TTLL10: variants seen among roughly 807,000 people sequenced by gnomAD.
TTLL10 encodes tubulin tyrosine ligase like 10, also known as inactive polyglycylase TTLL10.
In TTLL10, 61 loss-of-function variants were observed where a neutral mutation model predicts 69.0. The ratio of observed to expected loss-of-function variants is 0.88; its 90% CI spans 0.72 to 1.09. The LOEUF (loss-of-function observed/expected upper bound fraction) is 1.09. TTLL10 is among the 50% of genes least tolerant of loss of function. TTLL10 has a pLI of 0.00. For synonymous variants in TTLL10, 408 were observed against 393.3 expected, an observed-to-expected ratio of 1.04 and a Z score of -0.44; for missense variants, 962 against 945.9, an observed-to-expected ratio of 1.02 and a Z score of -0.22.
intron 3 of TTLL10, chr1:1,176,521 CCTCCACACCTTTTCCCA>C: frequency 2.6e-6 from 1 of 391,780 alleles, no homozygotes; most frequent in Non-Finnish European, 5.2e-6. Flanking sequence ...CCTTTTCCCA[CCTCCACACCTTTTCCCA>C]CCTCCACACC....
chr1:1,196,556 G>A lies in TTLL10; in HGVS notation c.1402-44G>A, dbSNP rs898139780. 2.1e-6 allele frequency: 3 copies of A among 1,452,602 alleles called. No individual in the cohort carries two copies. In the African/African-American group the frequency reaches 4.2e-5, roughly 20 times the overall value. 90.0% of individuals were successfully genotyped at this position (1,452,602 alleles called of 1,614,324 possible). On this transcript the variant is annotated intron_variant, in intron 13 of 15. Transcript: ENST00000379289. ...GCTGTTCAGACCTGGGGTGTGATCA[G>A]GGCCTACGGGCCGCAGCCAGGATGC... is the stretch of plus-strand genomic sequence containing the variant.
At chr1:1,183,312 G>C (rs940346400) in intron 11 of TTLL10, among the ~76,000 whole-genome samples, 3 of 152,146 alleles carry the variant, frequency 2.0e-5, no homozygotes, top group African/African-American at 7.2e-5. Context: ...AGGTGGCCTG[G>C]CCTGGGTGGC....
In TTLL10 at chr1:1,180,850, G is replaced by A. The variant is rs757892692; in HGVS notation, c.745G>A (p.Val249Ile). The change falls in exon 8 of 16, where the codon GTC becomes ATC. Residue 249 changes from valine (V) to isoleucine (I), a missense_variant. Val to Ile is a conservative substitution (Grantham distance 29). Coordinates refer to ENST00000379289, the MANE Select transcript of TTLL10 (RefSeq NM_001130045.2). Reference sequence around the variant, plus strand: ...CAAGGCCAGCAAGGTGCCGGGGGGGGTCCAGGCCAGGTGAGTCTGCCCCTG... The same window carrying A: ...CAAGGCCAGCAAGGTGCCGGGGGGGATCCAGGCCAGGTGAGTCTGCCCCTG... ...MSKASKVPGG[V>I]QARLEKDAAA... 7 of 1,571,696 alleles carry A rather than the reference G, an allele frequency of 4.5e-6. No individual in the cohort carries two copies. In the South Asian group the frequency reaches 4.7e-5, roughly 10 times the overall value.
rs2274791 is a variant in TTLL10, at chr1:1,197,558, G to A, written c.1733G>A (p.Gly578Asp). 202,452 of 1,517,294 alleles carry A rather than the reference G, an allele frequency of 0.13. 21,221 individuals are homozygous for A. The highest frequency in any genetic ancestry group is 0.58 in the East Asian group (23,474 of 40,480). 94.0% of individuals were successfully genotyped at this position (1,517,294 alleles called of 1,614,324 possible). ...GCCGACCCGCGGCCGCACCTGGGGG[G>A]CTCGTGCAGCCTCCGCCGCTGGCCG... ...GEADPRPHLG[G>D]SCSLRRWPPL... The change falls in exon 16 of 16, where the codon GGC becomes GAC. Residue 578 changes from glycine (G) to aspartate (D), a missense_variant. Physicochemically the swap from Gly to Asp is moderately conservative, Grantham distance 94. Transcript: ENST00000379289.
chr1:1,184,449 G>C (rs1355723605), intron 12 of TTLL10, among the ~76,000 whole-genome samples: 1 of 152,240 alleles, frequency 6.6e-6, no homozygotes, highest in African/African-American at 2.4e-5. Context: ...TGTCAGAGGA[G>C]GGGCCCTGTG....
At chr1:1,175,900 G>A in intron 3 of TTLL10, 1 of 441,464 alleles carries the variant, frequency 2.3e-6, no homozygotes, top group South Asian at 1.6e-5. Flanking sequence ...CGCTGTGCCG[G>A]TGGAGAGGCT....
chr1:1,197,752 G>A lies in TTLL10; in HGVS notation c.1927G>A (p.Glu643Lys). The change falls in exon 16 of 16, where the codon GAG (glutamate) becomes AAG (lysine). Residue 643 changes from glutamate to lysine, a missense_variant. Transcript: ENST00000379289. ...HDGEPQAPGT[E>K]QSGTGNRHPA... ...TGGGGAGCCCCAGGCCCCGGGCACG[G>A]AGCAGTCGGGCACAGGCAACAGGCA... The A allele has an allele frequency of 6.5e-7, 1 of 1,535,692 alleles. No individual in the cohort carries two copies. Among genetic ancestry groups the A allele is most frequent in the South Asian group, 1.2e-5 (1 of 83,246 alleles).
intron 5 of TTLL10, 76 bp from the exon 6 acceptor site, chr1:1,179,958 C>T (rs1646993533): frequency 1.1e-5 from 16 of 1,447,184 alleles, no homozygotes; most frequent in Non-Finnish European, 1.5e-5. Flanking sequence ...GGGCTGGGAG[C>T]AAACTGGCTG....
At chr1:1,193,402 CT>C (rs1422603553) in intron 13 of TTLL10, among the ~76,000 whole-genome samples, 10 of 144,908 alleles carry the variant, frequency 6.9e-5, no homozygotes, top group South Asian at 2.2e-4. Flanking sequence ...CTATGTCTGT[CT>C]TTTTTTGTTC....
chr1:1,185,695 C>G lies in TTLL10; in HGVS notation c.1401+586C>G. 3.0e-6 allele frequency: 3 copies of G among 985,542 alleles called. No homozygotes were observed. The highest frequency in any genetic ancestry group is 2.4e-6 in the Non-Finnish European group (2 of 830,004). 61.0% of individuals were successfully genotyped at this position (985,542 alleles called of 1,614,324 possible). ...GGACTTTTATCTGTCTTGGTCACCC[C>G]GGCCAGGCCCCGGAAGCAGCAGCCA... is the stretch of plus-strand genomic sequence containing the variant. On this transcript the variant is annotated intron_variant, in intron 13 of 15. Coordinates refer to ENST00000379289, the MANE Select transcript of TTLL10 (RefSeq NM_001130045.2). The surrounding 1 kb of genome is among the most constrained non-coding windows in gnomAD (Gnocchi z 6.1).
chr1:1,180,281 G>A lies in TTLL10; in HGVS notation c.447G>A (p.Ser149=), dbSNP rs368517224. 148 of 1,595,508 alleles carry A rather than the reference G, an allele frequency of 9.3e-5. No individual in the cohort carries two copies. The highest frequency in any genetic ancestry group is 1.7e-4 in the Middle Eastern group (1 of 5,938). ...EGLLLGGGKP[S]PHSTRPGPFF... ...TCCTGCTGGGGGGTGGGAAGCCATC[G>A]CCCCACAGCACCCGGCCGGGGCCCT... Residue 149 remains serine, a synonymous_variant, in exon 6 of 16, where the codon TCG becomes TCA. Coordinates refer to ENST00000379289, the MANE Select transcript of TTLL10 (RefSeq NM_001130045.2).
rs762944108 is a variant in TTLL10, at chr1:1,180,822, G to A, written c.717G>A (p.Met239Ile). Reference sequence around the variant, plus strand: ...CCCTTCGGGGACGGGCACGGGCCATGAGCAAGGCCAGCAAGGTGCCGGGGG... The same window carrying A: ...CCCTTCGGGGACGGGCACGGGCCATAAGCAAGGCCAGCAAGGTGCCGGGGG... ...LSTLRGRARA[M>I]SKASKVPGGV... The change falls in exon 8 of 16, where the codon ATG becomes ATA. Residue 239 changes from methionine (M) to isoleucine (I), a missense_variant. Transcript: ENST00000379289. 4 of 1,598,646 alleles carry A rather than the reference G, an allele frequency of 2.5e-6. No individual in the cohort carries two copies. The highest frequency in any genetic ancestry group is 2.7e-5 in the African/African-American group (2 of 74,188).
At position 1,191,724 on chromosome 1, in the gene TTLL10, G is replaced by A. The variant is rs148216262; in HGVS notation, c.1402-4876G>A. On this transcript the variant is annotated intron_variant, in intron 13 of 15. Transcript: ENST00000379289. ...CACAACCTTCAGAGCTGACAGCCCT[G>A]AACAGAGATTTACCCACATATTTAG... is the stretch of plus-strand genomic sequence containing the variant. Among the ~76,000 whole-genome samples, 109 of 152,334 alleles carry A rather than the reference G, an allele frequency of 7.2e-4. 2 individuals are homozygous for A. Among genetic ancestry groups the A allele is most frequent in the African/African-American group, 2.6e-3 (107 of 41,570 alleles).
chr1:1,181,491 C>T lies in TTLL10; in HGVS notation c.756-250C>T, dbSNP rs1044417626. Among the ~76,000 whole-genome samples the T allele has an allele frequency of 6.6e-5, 10 of 152,026 alleles. No homozygotes were observed. The highest frequency in any genetic ancestry group is 2.4e-4 in the African/African-American group (10 of 41,366). On this transcript the variant is annotated intron_variant, in intron 8 of 15. Coordinates refer to ENST00000379289, the MANE Select transcript of TTLL10 (RefSeq NM_001130045.2). The surrounding 1 kb of genome is among the most constrained non-coding windows in gnomAD (Gnocchi z 4.6). Reference sequence around the variant, plus strand: ...CACCAAGCACCCGCCCAGCCAACCGCAGCTGCCTCCATCTGCACCCCCCGC... The same window carrying T: ...CACCAAGCACCCGCCCAGCCAACCGTAGCTGCCTCCATCTGCACCCCCCGC...
chr1:1,180,613 C>T lies in TTLL10; in HGVS notation c.625+12C>T, dbSNP rs113663571. The T allele has an allele frequency of 2.2e-4, 340 of 1,551,986 alleles. No homozygotes were observed. In the East Asian group the frequency reaches 7.7e-3, roughly 35 times the overall value. ...CAGCTTCCGGGAAGGTAGCGGGAGC[C>T]GGCACCAGAGGCGGGCAGCCTGCAG... On this transcript the variant is annotated intron_variant, in intron 7 of 15. Coordinates refer to ENST00000379289, the MANE Select transcript of TTLL10 (RefSeq NM_001130045.2).
rs1489867652 is a variant in TTLL10 at position 1,179,689 on chromosome 1, C to T, written c.151C>T (p.Pro51Ser). 5 of 1,550,978 alleles carry T rather than the reference C, an allele frequency of 3.2e-6. No homozygotes were observed. Among genetic ancestry groups the T allele is most frequent in the Non-Finnish European group, 4.4e-6 (5 of 1,146,840 alleles). Residue 51 changes from proline (P) to serine (S), a missense_variant, in exon 5 of 16, where the codon CCG (proline) becomes TCG (serine). By Grantham distance (74) the Pro-to-Ser change is moderately conservative. Transcript: ENST00000379289. ...TIPASRLHPA[P>S]ASQPGPCPAP... ...CCCTGCGTCACGTCTGCACCCAGCA[C>T]CGGCCTCACAGCCCGGCCCCTGCCC...
Position 1,181,009 on chromosome 1 carries a change from A to AGCCCCTGCCCCTGCCCCTGCACCC in TTLL10, c.755+165_755+166insCTGCACCCGCCCCTGCCCCTGCCC, listed in dbSNP as rs1553142167. 5.1e-6 allele frequency: 3 copies of AGCCCCTGCCCCTGCCCCTGCACCC among 593,388 alleles called. No individual in the cohort carries two copies. The highest frequency in any genetic ancestry group is 2.6e-5 in the South Asian group (1 of 39,176). 36.8% of individuals were successfully genotyped at this position (593,388 alleles called of 1,614,324 possible). A position where few individuals can be genotyped will look rare whatever the true frequency, so the allele number is the denominator to read the frequency against. On this transcript the variant is annotated intron_variant, in intron 8 of 15. Transcript: ENST00000379289. This position sits in a 1 kb window ranked among gnomAD's most constrained non-coding sequence, Gnocchi z 4.6. ...CCACCCAGGCTCCCAGGCTGGCTCC[A>AGCCCCTGCCCCTGCCCCTGCACCC]GCCCCTGCCCCTGCCCTTGCCCCTG...
chr1:1,177,799 G>A (rs796754174), intron 3 of TTLL10, among the ~76,000 whole-genome samples: 10 of 152,340 alleles, frequency 6.6e-5, no homozygotes, highest in African/African-American at 2.4e-4. Flanking sequence ...GCACACACCT[G>A]CTCCGTGCCT....
At chr1:1,186,794 A>G (rs560711184) in intron 13 of TTLL10, among the ~76,000 whole-genome samples, 23 of 151,816 alleles carry the variant, frequency 1.5e-4, no homozygotes, top group African/African-American at 5.6e-4. Context: ...TGTCTATTCA[A>G]ACGCTGTGGC....
Sources: allele counts gnomAD v4.1 joint callset (sites outside exome capture counted in the v4.1 genomes callset), GRCh38; gene constraint gnomAD v4.1.1; non-coding constraint Gnocchi (gnomAD v3.1); transcripts MANE v1.5; gene names NCBI Gene and HGNC (gene_info 2026-07-23, HGNC 2026-07-21).